Variants in THRA observed in about 807,000 individuals in gnomAD.
THRA encodes the protein EAR-7.
In THRA, 13 loss-of-function variants were observed where a neutral mutation model predicts 45.0. The observed-to-expected ratio is 0.29, with a 90% CI of 0.19 to 0.46. The LOEUF (loss-of-function observed/expected upper bound fraction) is 0.46. THRA is among the 20% of genes least tolerant of loss of function. The pLI is 1.00. For synonymous variants in THRA, 195 were observed against 214.0 expected, an observed-to-expected ratio of 0.91 and a Z score of 0.78; for missense variants, 278 against 556.1, an observed-to-expected ratio of 0.50 and a Z score of 5.03.
chr17:40,079,528 G>A (rs1987066694), intron 4 of THRA, among the ~76,000 whole-genome samples: 1 of 152,006 alleles, frequency 6.6e-6, no homozygotes, highest in African/African-American at 2.4e-5. Flanking sequence ...GGCCTAATTA[G>A]ATTTCACTTT....
chr17:40,086,063 G>C (rs1016079145), intron 6 of THRA, among the ~76,000 whole-genome samples: 1 of 152,218 alleles, frequency 6.6e-6, no homozygotes, highest in Admixed American at 6.5e-5. Flanking sequence ...AGTAAGCCAT[G>C]ATTACACCGC....
chr17:40,087,095 G>GACACACAT, intron 7 of THRA: 1 of 507,162 alleles, frequency 2.0e-6, no homozygotes, highest in Non-Finnish European at 3.5e-6. Flanking sequence ...TACGTACACA[G>GACACACAT]ACACACATAC....
chr17:40,084,572 G>A (rs776472561), intron 5 of THRA, 38 bp from the exon 6 acceptor site: 16 of 1,602,376 alleles, frequency 1.0e-5, no homozygotes, highest in Non-Finnish European at 1.4e-5. Flanking sequence ...GGGGATGGAG[G>A]GTGCCATGCG....
chr17:40,064,803 G>A (rs898694961), intron 1 of THRA, among the ~76,000 whole-genome samples: 1 of 152,164 alleles, frequency 6.6e-6, no homozygotes, highest in African/African-American at 2.4e-5. Flanking sequence ...TGTGGAACCT[G>A]CAGACACAGG....
intron 6 of THRA, among the ~76,000 whole-genome samples, chr17:40,085,695 G>A (rs1987298993): frequency 6.6e-6 from 1 of 150,766 alleles, no homozygotes; most frequent in Admixed American, 6.6e-5. Flanking sequence ...CCAGGCTGGA[G>A]TGCAGTGGCA....
At chr17:40,082,207 C>CTTTTTTTTT (rs770974952) in intron 4 of THRA, among the ~76,000 whole-genome samples, 1 of 78,784 alleles carries the variant, frequency 1.3e-5, no homozygotes, top group Admixed American at 1.4e-4. Context: ...CTTGGATTTC[C>CTTTTTTTTT]TTTTTTTTTT....
chr17:40,087,601 C>A (rs1460108380), intron 7 of THRA, among the ~76,000 whole-genome samples: 1 of 152,186 alleles, frequency 6.6e-6, no homozygotes, highest in East Asian at 1.9e-4. Context: ...CACCCAACTC[C>A]AGGCAGCCTG....
intron 6 of THRA, among the ~76,000 whole-genome samples, 171 bp downstream of exon 6, chr17:40,084,986 G>A (rs1987273092): frequency 6.6e-6 from 1 of 152,196 alleles, no homozygotes; most frequent in African/African-American, 2.4e-5. Context: ...TGTCCTTGCT[G>A]TCTGGACTGT....
chr17:40,086,995 C>T lies in THRA; in HGVS notation c.723+142C>T, dbSNP rs1987341444. On this transcript the variant is annotated intron_variant, in intron 7 of 8. Coordinates refer to ENST00000450525, the MANE Select transcript of THRA (RefSeq NM_199334.5). ...AACATACACAGATAACATACACAGACACACACACACACATGCATACACATA... is the reference window on the plus strand; with the variant it reads ...AACATACACAGATAACATACACAGATACACACACACACATGCATACACATA... The T allele has an allele frequency of 1.5e-5, 13 of 859,288 alleles. No homozygotes were observed. In the South Asian group the frequency reaches 2.4e-4, roughly 16 times the overall value. 53.2% of individuals were successfully genotyped at this position (859,288 alleles called of 1,614,324 possible). A position where few individuals can be genotyped will look rare whatever the true frequency, so the allele number is the denominator to read the frequency against.
rs752808428 is a variant in THRA, at chr17:40,089,192, C to T, written c.983-14C>T. The T allele has an allele frequency of 6.2e-7, 1 of 1,612,956 alleles. No individual in the cohort carries two copies. ...GGCCAGCCCCTCGCCCCTCACGCCC[C>T]TCTTCCCTCACAGACCGCTCGGGCC... On this transcript the variant is annotated splice_polypyrimidine_tract_variant and intron_variant, in intron 8 of 8. Coordinates refer to ENST00000450525, the MANE Select transcript of THRA (RefSeq NM_199334.5). This position sits in a 1 kb window ranked among gnomAD's most constrained non-coding sequence, Gnocchi z 6.1.
intron 4 of THRA, among the ~76,000 whole-genome samples, chr17:40,082,974 C>G (rs1224620315): frequency 6.7e-6 from 1 of 149,952 alleles, no homozygotes; most frequent in Non-Finnish European, 1.5e-5. Context: ...GTCACCCAGC[C>G]TGGAGTGCAG....
rs377188886 is a variant in THRA, at chr17:40,076,954, C to T, written c.121+16C>T. ...AGCATGTCAGGTGAGGCTGGCTGTG[C>T]GTGCCCCTTCTCCACGTCCCCAACC... On this transcript the variant is annotated intron_variant, in intron 3 of 8. Coordinates refer to ENST00000450525, the MANE Select transcript of THRA (RefSeq NM_199334.5). The T allele has an allele frequency of 9.8e-5, 158 of 1,613,120 alleles. 1 individual carries two copies. In the South Asian group the frequency reaches 1.4e-3, roughly 14 times the overall value.
rs1417446490 is a variant in THRA, at chr17:40,082,836, G to C, written c.223-999G>C. ...GGCTGGAATGCAGTGGCGCGATCTT[G>C]GCTCACTGCAACCTCTGTGTCCTGG... is the stretch of plus-strand genomic sequence containing the variant. On this transcript the variant is annotated intron_variant, in intron 4 of 8. Coordinates refer to ENST00000450525, the MANE Select transcript of THRA (RefSeq NM_199334.5). Among the ~76,000 whole-genome samples, 3 of 122,754 alleles carry C rather than the reference G, an allele frequency of 2.4e-5. No homozygotes were observed. The Admixed American group carries it at 3.2e-4, about 13-fold the overall frequency. 80.5% of individuals were successfully genotyped at this position (122,754 alleles called of 152,430 possible).
At chr17:40,073,927 C>T (rs935340057) in intron 1 of THRA, among the ~76,000 whole-genome samples, 2 of 152,140 alleles carry the variant, frequency 1.3e-5, no homozygotes, top group African/African-American at 4.8e-5. Context: ...AATATGAAGA[C>T]TGAGACATAT....
chr17:40,077,444 TGA>T (rs1986993068), intron 3 of THRA, 62 bp from the exon 4 acceptor site: 2 of 1,450,182 alleles, frequency 1.4e-6, no homozygotes, highest in South Asian at 1.2e-5. Context: ...GGGAAAAGTG[TGA>T]GAGCCTCTCT....
At position 40,092,840 on chromosome 17, in the gene THRA, G is replaced by C; in HGVS notation, c.*3384G>C. On this transcript the variant is annotated 3_prime_UTR_variant, in exon 9 of 9. Coordinates refer to ENST00000450525, the MANE Select transcript of THRA (RefSeq NM_199334.5). ...GAGACAGGAACAGAACAAATCAGAG[G>C]GCCAGGGGAGGGTTGTGGGGGAGAC... 1.1e-6 allele frequency: 1 copy of C among 870,952 alleles called. No homozygotes were observed. The highest frequency in any genetic ancestry group is 1.7e-6 in the Non-Finnish European group (1 of 584,958). The allele number at this position is 870,952 out of a possible 1,614,324, so 54.0% of individuals were successfully genotyped here.
chr17:40,063,961 C>T (rs1986461717), intron 1 of THRA, among the ~76,000 whole-genome samples: 1 of 151,200 alleles, frequency 6.6e-6, no homozygotes, highest in Non-Finnish European at 1.5e-5. Flanking sequence ...TGGGAGCCTG[C>T]CCCTCAGTGC....
intron 1 of THRA, among the ~76,000 whole-genome samples, chr17:40,065,259 T>C (rs1023703214): frequency 6.6e-6 from 1 of 152,060 alleles, no homozygotes; most frequent in Admixed American, 6.5e-5. Flanking sequence ...TCTGAGTCAT[T>C]TGCCTGGGTC....
intron 7 of THRA, 134 bp downstream of exon 7, chr17:40,086,987 TACAC>T: frequency 8.9e-7 from 1 of 1,120,086 alleles, no homozygotes; most frequent in Non-Finnish European, 1.2e-6. Context: ...ACAGATAACA[TACAC>T]AGACACACAC....
Sources: gnomAD v4.1 joint callset for allele counts (sites outside exome capture counted in the v4.1 genomes callset) on GRCh38, gnomAD v4.1.1 for gene constraint, Gnocchi (gnomAD v3.1) non-coding constraint, MANE v1.5 for transcripts, NCBI Gene and HGNC (gene_info 2026-07-23, HGNC 2026-07-21) for gene names.